Variants in KCNQ1 observed in about 807,000 individuals in gnomAD.
The protein encoded by KCNQ1 is potassium voltage-gated channel subfamily Q member 1, also known as potassium voltage-gated channel subfamily KQT member 1.
In KCNQ1, 49 loss-of-function variants were observed where a neutral mutation model predicts 72.4. That is an observed-to-expected ratio of 0.68 (90% CI 0.54 to 0.86). The LOEUF is 0.86. KCNQ1 is among the 40% of genes least tolerant of loss of function. KCNQ1 has a pLI of 0.00. For missense variants in KCNQ1, 790 were observed against 945.1 expected (o/e 0.84, Z 2.15); for synonymous variants, 450 against 412.6 (o/e 1.09, Z -1.10).
chr11:2,646,703 A>C (rs1444419195), intron 10 of KCNQ1: 4 of 398,380 alleles, frequency 1.0e-5, no homozygotes, highest in African/African-American at 4.1e-5. Context: ...TTTTGTACTG[A>C]TGAGGTTTTG....
At chr11:2,718,632 T>A (rs1332771934) in intron 11 of KCNQ1, among the ~76,000 whole-genome samples, 1 of 152,200 alleles carries the variant, frequency 6.6e-6, no homozygotes, top group Admixed American at 6.5e-5. Context: ...GTGCTTTGTG[T>A]AGACGCATGA....
rs1564818291 is a variant in KCNQ1 at position 2,564,966 on chromosome 11, T to A, written c.478-5662T>A. ...TATTCCGTGGTAGGGAGGGACCACATCTTCCGTCTCCGTCGGTGCACTGAG... is the reference window on the plus strand; with the variant it reads ...TATTCCGTGGTAGGGAGGGACCACAACTTCCGTCTCCGTCGGTGCACTGAG... On this transcript the variant is annotated intron_variant, in intron 2 of 15. Transcript: ENST00000155840. The surrounding 1 kb of genome is among the most constrained non-coding windows in gnomAD (Gnocchi z 4.5). 6.6e-6 allele frequency among the ~76,000 whole-genome samples: 1 copy of A among 152,204 alleles called. No homozygotes were observed. Among genetic ancestry groups the A allele is most frequent in the African/African-American group, 2.4e-5 (1 of 41,442 alleles).
Position 2,617,311 on chromosome 11 carries a change from T to TA in KCNQ1, c.1393+28458dup. On this transcript the variant is annotated intron_variant, in intron 10 of 15. Transcript: ENST00000155840. The surrounding 1 kb of genome is among the most constrained non-coding windows in gnomAD (Gnocchi z 4.6). ...TTTTTTCTTTTTAAGATTCTACATA[T>TA]AGGTGAGATTATTTAAAACTTTTCA... 2.5e-6 allele frequency: 1 copy of TA among 398,436 alleles called. No individual in the cohort carries two copies. The highest frequency in any genetic ancestry group is 4.4e-5 in the Admixed American group (1 of 22,726). 24.7% of individuals were successfully genotyped at this position (398,436 alleles called of 1,614,324 possible). A position where few individuals can be genotyped will look rare whatever the true frequency, so the allele number is the denominator to read the frequency against.
At position 2,690,965 on chromosome 11, in the gene KCNQ1, T is replaced by C. The variant is rs1850578494; in HGVS notation, c.1514+28884T>C. 2.5e-6 allele frequency: 1 copy of C among 398,520 alleles called. No individual in the cohort carries two copies. The highest frequency in any genetic ancestry group is 1.3e-4 in the South Asian group (1 of 7,864). 24.7% of individuals were successfully genotyped at this position (398,520 alleles called of 1,614,324 possible). A position where few individuals can be genotyped will look rare whatever the true frequency, so the allele number is the denominator to read the frequency against. ...GGTTCATTTGGGAGTCACGGGTATGTGTCAACAAAAGCCCACCAGACCATC... is the reference window on the plus strand; with the variant it reads ...GGTTCATTTGGGAGTCACGGGTATGCGTCAACAAAAGCCCACCAGACCATC... On this transcript the variant is annotated intron_variant, in intron 11 of 15. Coordinates refer to ENST00000155840, the MANE Select transcript of KCNQ1 (RefSeq NM_000218.3). This position sits in a 1 kb window ranked among gnomAD's most constrained non-coding sequence, Gnocchi z 5.1.
intron 1 of KCNQ1, among the ~76,000 whole-genome samples, chr11:2,452,423 G>T (rs1157920395): frequency 1.3e-5 from 2 of 152,170 alleles, no homozygotes; most frequent in East Asian, 1.9e-4. Context: ...CGACTTCCAC[G>T]CAGAGCAGCC....
In KCNQ1 at chr11:2,620,218, T is replaced by TA. The variant is rs1490354638; in HGVS notation, c.1393+31364_1393+31365insA. 7 of 282,650 alleles carry TA rather than the reference T, an allele frequency of 2.5e-5. No homozygotes were observed. Among genetic ancestry groups the TA allele is most frequent in the South Asian group, 1.7e-4 (1 of 6,002 alleles). 17.5% of individuals were successfully genotyped at this position (282,650 alleles called of 1,614,324 possible). A position where few individuals can be genotyped will look rare whatever the true frequency, so the allele number is the denominator to read the frequency against. ...ATTCATGTATATATATATATTTTTT[T>TA]TTTTTATTTTTTTTTTAGACGGAGT... On this transcript the variant is annotated intron_variant, in intron 10 of 15. Transcript: ENST00000155840. This position sits in a 1 kb window ranked among gnomAD's most constrained non-coding sequence, Gnocchi z 4.5.
At chr11:2,699,797 C>T (rs1850760530) in intron 11 of KCNQ1, 8 of 396,728 alleles carry the variant, frequency 2.0e-5, no homozygotes, top group Non-Finnish European at 3.1e-5. Context: ...CGCCGAGGGG[C>T]GCGCCGGGGA....
chr11:2,847,431 GA>G (rs1287115044), intron 15 of KCNQ1, among the ~76,000 whole-genome samples: 3 of 152,234 alleles, frequency 2.0e-5, no homozygotes, highest in African/African-American at 7.2e-5. Context: ...GCCATGCGGG[GA>G]TGTGGCACAG....
At chr11:2,758,801 G>A (rs1213688542) in intron 11 of KCNQ1, among the ~76,000 whole-genome samples, 1 of 152,140 alleles carries the variant, frequency 6.6e-6, no homozygotes, top group Non-Finnish European at 1.5e-5. Context: ...CCCCCGAAAG[G>A]TCGCATGCTG....
At position 2,626,109 on chromosome 11, in the gene KCNQ1, G is replaced by T. The variant is rs1849258044; in HGVS notation, c.1394-35852G>T. Reference sequence around the variant, plus strand: ...TTATCTATTTTTACTTTTATTGCCTGTGCCTTTGGTGTCGCATACAAGAAG... The same window carrying T: ...TTATCTATTTTTACTTTTATTGCCTTTGCCTTTGGTGTCGCATACAAGAAG... On this transcript the variant is annotated intron_variant, in intron 10 of 15. Transcript: ENST00000155840. The surrounding 1 kb of genome is among the most constrained non-coding windows in gnomAD (Gnocchi z 4.0). The T allele has an allele frequency of 7.5e-6, 3 of 398,418 alleles. No homozygotes were observed. The highest frequency in any genetic ancestry group is 4.4e-5 in the Admixed American group (1 of 22,710). 24.7% of individuals were successfully genotyped at this position (398,418 alleles called of 1,614,324 possible). A position where few individuals can be genotyped will look rare whatever the true frequency, so the allele number is the denominator to read the frequency against.
rs1846495343 is a variant in KCNQ1, at chr11:2,766,179, T to G, written c.1515-2665T>G. On this transcript the variant is annotated intron_variant, in intron 11 of 15. Transcript: ENST00000155840. This position sits in a 1 kb window ranked among gnomAD's most constrained non-coding sequence, Gnocchi z 4.4. Reference sequence around the variant, plus strand: ...CTTTTCATCTATTTTCTTGAACCTATTTATCATGGTTATTTTGAAGTCTTC... The same window carrying G: ...CTTTTCATCTATTTTCTTGAACCTAGTTATCATGGTTATTTTGAAGTCTTC... Among the ~76,000 whole-genome samples, 1 of 152,232 alleles carries G rather than the reference T, an allele frequency of 6.6e-6. No homozygotes were observed. Among genetic ancestry groups the G allele is most frequent in the African/African-American group, 2.4e-5 (1 of 41,456 alleles).
chr11:2,653,222 C>G lies in KCNQ1; in HGVS notation c.1394-8739C>G. 1 of 398,758 alleles carries G rather than the reference C, an allele frequency of 2.5e-6. No individual in the cohort carries two copies. The highest frequency in any genetic ancestry group is 4.4e-6 in the Non-Finnish European group (1 of 226,134). The allele number at this position is 398,758 out of a possible 1,614,324, so 24.7% of individuals were successfully genotyped here. A position where few individuals can be genotyped will look rare whatever the true frequency, so the allele number is the denominator to read the frequency against. On this transcript the variant is annotated intron_variant, in intron 10 of 15. Coordinates refer to ENST00000155840, the MANE Select transcript of KCNQ1 (RefSeq NM_000218.3). This position sits in a 1 kb window ranked among gnomAD's most constrained non-coding sequence, Gnocchi z 5.3. The stretch of plus-strand genomic sequence containing the variant: ...GCAGGGCTAGGGCCAGGGCCTTGGC[C>G]TCAGGCCAGCTTCTTTCCCACAAGC...
Position 2,589,072 on chromosome 11 carries a change from G to A in KCNQ1, c.1393+218G>A, listed in dbSNP as rs558175680. Among the ~76,000 whole-genome samples, 7 of 152,280 alleles carry A rather than the reference G, an allele frequency of 4.6e-5. No homozygotes were observed. In the South Asian group the frequency reaches 1.0e-3, roughly 23 times the overall value. ...AGGAGCTGGCCACGCCTTCTGTTGC[G>A]AGAGGAAGCCTGGGCAGGTGATGGG... On this transcript the variant is annotated intron_variant, in intron 10 of 15. Coordinates refer to ENST00000155840, the MANE Select transcript of KCNQ1 (RefSeq NM_000218.3).
At chr11:2,555,181 T>C (rs1271893610) in intron 2 of KCNQ1, among the ~76,000 whole-genome samples, 3 of 152,270 alleles carry the variant, frequency 2.0e-5, no homozygotes, top group African/African-American at 7.2e-5. Flanking sequence ...AAAAGAAGGG[T>C]GCTCAGCCCC....
rs369268439 is a variant in KCNQ1, at chr11:2,526,364, G to A, written c.387-1564G>A. On this transcript the variant is annotated intron_variant, in intron 1 of 15. Coordinates refer to ENST00000155840, the MANE Select transcript of KCNQ1 (RefSeq NM_000218.3). The surrounding 1 kb of genome is among the most constrained non-coding windows in gnomAD (Gnocchi z 6.1). ...ACCGGTGTGGCAGGGACAGGGTGTC[G>A]GTGAGGCAGGTGGCTGAGGAAATGG... 3.3e-5 allele frequency among the ~76,000 whole-genome samples: 5 copies of A among 152,214 alleles called. No individual in the cohort carries two copies. Among genetic ancestry groups the A allele is most frequent in the African/African-American group, 9.6e-5 (4 of 41,522 alleles).
At chr11:2,791,174 T>C (rs1399108618) in intron 15 of KCNQ1, among the ~76,000 whole-genome samples, 1 of 152,212 alleles carries the variant, frequency 6.6e-6, no homozygotes, top group East Asian at 1.9e-4. Flanking sequence ...GAGGCTGGGA[T>C]AGGACAGCAG....
rs897653295 is a variant in KCNQ1, at chr11:2,817,197, G to A, written c.1795-30570G>A. 2.6e-5 allele frequency among the ~76,000 whole-genome samples: 4 copies of A among 152,204 alleles called. No individual in the cohort carries two copies. The highest frequency in any genetic ancestry group is 2.1e-4 in the South Asian group (1 of 4,826). On this transcript the variant is annotated intron_variant, in intron 15 of 15. Transcript: ENST00000155840. This position sits in a 1 kb window ranked among gnomAD's most constrained non-coding sequence, Gnocchi z 6.1. ...AGGGTTAACGGTGCAAGCTCCTCAC[G>A]GCACCAGTGCGCTTGCCTTTGACAT...
In KCNQ1 at chr11:2,661,360, G is replaced by A; in HGVS notation, c.1394-601G>A. 2.5e-6 allele frequency: 1 copy of A among 406,084 alleles called. No homozygotes were observed. The highest frequency in any genetic ancestry group is 4.3e-6 in the Non-Finnish European group (1 of 229,930). 25.2% of individuals were successfully genotyped at this position (406,084 alleles called of 1,614,324 possible). A position where few individuals can be genotyped will look rare whatever the true frequency, so the allele number is the denominator to read the frequency against. Reference sequence around the variant, plus strand: ...GAGCTCCTGTGTCAAAGTTGCAGAGGTGGGCCCAGGAATCATAATGTGAAG... The same window carrying A: ...GAGCTCCTGTGTCAAAGTTGCAGAGATGGGCCCAGGAATCATAATGTGAAG... On this transcript the variant is annotated intron_variant, in intron 10 of 15. Coordinates refer to ENST00000155840, the MANE Select transcript of KCNQ1 (RefSeq NM_000218.3). The surrounding 1 kb of genome is among the most constrained non-coding windows in gnomAD (Gnocchi z 5.9).
chr11:2,675,877 A>G (rs1280638155), intron 11 of KCNQ1: 11 of 398,572 alleles, frequency 2.8e-5, no homozygotes, highest in Non-Finnish European at 4.0e-5. Context: ...TGGGGAGCCA[A>G]TCGTGCTTTA....
Sources: allele counts gnomAD v4.1 joint callset (sites outside exome capture counted in the v4.1 genomes callset), GRCh38; gene constraint gnomAD v4.1.1; non-coding constraint Gnocchi (gnomAD v3.1); transcripts MANE v1.5; gene names NCBI Gene and HGNC (gene_info 2026-07-23, HGNC 2026-07-21).